The following RAB33A variants were observed in gnomAD, a reference collection of about 807,000 sequenced individuals.
RAB33A encodes ras-related protein Rab-33A.
A neutral mutation model predicts 12.0 loss-of-function variants in RAB33A; 6 were observed. The observed-to-expected ratio is 0.50, with a 90% CI of 0.27 to 0.99. RAB33A has a LOEUF of 0.99. Ranked by LOEUF, RAB33A falls within the 50% of genes least tolerant of loss-of-function variation. The pLI is 0.11. For missense variants in RAB33A, 109 were observed against 192.0 expected (o/e 0.57, Z 2.55); for synonymous variants, 70 against 82.4 (o/e 0.85, Z 0.81).
At chrX:130,182,181 T>TATACACACAC (rs1317910199) in intron 1 of RAB33A, among the ~76,000 whole-genome samples, 1 of 77,534 alleles carries the variant, frequency 1.3e-5, no homozygotes, top group Non-Finnish European at 2.3e-5. Flanking sequence ...TATATATATA[T>TATACACACAC]ACACATATAT....
chrX:130,159,676 ACAAATTTGTTTTAATATCATACT>A, the RAB33A span, among the ~76,000 whole-genome samples: 1 of 109,662 alleles, frequency 9.1e-6, no homozygotes, highest in African/African-American at 3.3e-5. Flanking sequence ...AGACATTATA[ACAAATTTGTTTTAATATCATACT>A]CATGTTTATT....
the RAB33A span, chrX:130,140,419 CAG>C: frequency 1.6e-6 from 1 of 636,802 alleles, no homozygotes; most frequent in Non-Finnish European, 2.6e-6. Context: ...ACACTCACTT[CAG>C]AGAGTCTGGG....
the RAB33A span, chrX:130,136,526 G>C: frequency 7.4e-6 from 5 of 674,137 alleles, no homozygotes; most frequent in African/African-American, 4.3e-5. Context: ...AATTATATCA[G>C]GTTAATGGCA....
chrX:130,130,282 T>C, the RAB33A span: 12 of 845,826 alleles, frequency 1.4e-5, no homozygotes, highest in South Asian at 1.3e-4. Context: ...AAGCTACTTC[T>C]AGAGGATTTA....
intron 1 of RAB33A, among the ~76,000 whole-genome samples, chrX:130,180,524 G>A (rs184813704): frequency 0.014 from 1,504 of 110,272 alleles, 29 homozygotes; most frequent in African/African-American, 0.047. Flanking sequence ...GCACCATCTC[G>A]GCTCACTGCA....
At chrX:130,121,697 G>C in the RAB33A span, among the ~76,000 whole-genome samples, 1 of 112,629 alleles carries the variant, frequency 8.9e-6, no homozygotes, top group Non-Finnish European at 1.9e-5. Flanking sequence ...GCTGTTCTAG[G>C]GGTGCACAGG....
At chrX:130,113,289 G>A in the RAB33A span, among the ~76,000 whole-genome samples, 1 of 108,456 alleles carries the variant, frequency 9.2e-6, no homozygotes, top group Non-Finnish European at 1.9e-5. Context: ...CACTGTGTTA[G>A]TCAGGATGGT....
chrX:130,145,710 G>A, the RAB33A span: 1 of 502,203 alleles, frequency 2.0e-6, no homozygotes. Flanking sequence ...ATTAAATCAT[G>A]GTCATGACTT....
chrX:130,182,181 T>TATATAC (rs1317910199), intron 1 of RAB33A, among the ~76,000 whole-genome samples: 1 of 77,534 alleles, frequency 1.3e-5, no homozygotes, highest in Non-Finnish European at 2.3e-5. Context: ...TATATATATA[T>TATATAC]ACACATATAT....
At chrX:130,168,210 C>CT (rs377586962), upstream of RAB33A, among the ~76,000 whole-genome samples, 459 of 94,100 alleles carry the variant, frequency 4.9e-3, no homozygotes, top group African/African-American at 6.9e-3. Flanking sequence ...CAAAGATACT[C>CT]TTTTTTTTTT....
upstream of RAB33A, among the ~76,000 whole-genome samples, chrX:130,168,645 C>T (rs1342011964): frequency 8.9e-6 from 1 of 111,933 alleles, no homozygotes; most frequent in East Asian, 2.8e-4. Flanking sequence ...GCTGCCTCAG[C>T]CTCTCAAAGT....
At chrX:130,138,227 A>G in the RAB33A span, among the ~76,000 whole-genome samples, 1 of 111,383 alleles carries the variant, frequency 9.0e-6, no homozygotes, top group East Asian at 2.8e-4. Context: ...GCACTTTGGG[A>G]GGCCAAGGTG....
the RAB33A span, among the ~76,000 whole-genome samples, chrX:130,146,600 T>C: frequency 9.1e-5 from 10 of 109,809 alleles, no homozygotes; most frequent in Non-Finnish European, 7.6e-5. Context: ...TTGTAAAATT[T>C]GGTCAGGTAT....
chrX:130,132,236 T>C, the RAB33A span, among the ~76,000 whole-genome samples: 1 of 112,386 alleles, frequency 8.9e-6, no homozygotes, highest in African/African-American at 3.2e-5. Context: ...CCAACTGATC[T>C]GCTGTTGCTA....
At chrX:130,140,733 T>A in the RAB33A span, 1 of 574,030 alleles carries the variant, frequency 1.7e-6, no homozygotes, top group Non-Finnish European at 2.9e-6. Flanking sequence ...TTCTGTGGAT[T>A]TCAGTATATT....
At chrX:130,137,274 C>T in the RAB33A span, 8 of 1,201,086 alleles carry the variant, frequency 6.7e-6, no homozygotes, top group African/African-American at 1.1e-4. Flanking sequence ...GCAGGCAGCC[C>T]TCACTACAGA....
the RAB33A span, among the ~76,000 whole-genome samples, chrX:130,116,179 C>T: frequency 2.9e-5 from 3 of 102,470 alleles, no homozygotes; most frequent in Non-Finnish European, 5.9e-5. Context: ...GATCTCAGCT[C>T]ACTGCAACTT....
the RAB33A span, among the ~76,000 whole-genome samples, chrX:130,166,596 G>A: frequency 1.8e-5 from 2 of 112,317 alleles, no homozygotes; most frequent in Non-Finnish European, 3.8e-5. Flanking sequence ...TAATGTTTTG[G>A]CTGCATGCAG....
the RAB33A span, among the ~76,000 whole-genome samples, chrX:130,149,085 CT>C: frequency 2.8e-5 from 3 of 108,105 alleles, no homozygotes; most frequent in African/African-American, 1.0e-4. Flanking sequence ...CCACGCCTGG[CT>C]AATTTTTGTA....
Sources: allele counts gnomAD v4.1 joint callset (sites outside exome capture counted in the v4.1 genomes callset), GRCh38; gene constraint gnomAD v4.1.1; transcripts MANE v1.5; gene names NCBI Gene and HGNC (gene_info 2026-07-23, HGNC 2026-07-21).